Variants in TUSC3 observed in about 807,000 individuals in gnomAD.
The protein encoded by TUSC3 is tumor suppressor candidate 3, also known as dolichyl-diphosphooligosaccharide--protein glycosyltransferase subunit TUSC3.
A neutral mutation model predicts 44.8 loss-of-function variants in TUSC3; 45 were observed. The observed-to-expected ratio is 1.00, with a 90% CI of 0.79 to 1.29. TUSC3 has a LOEUF of 1.29. TUSC3 is among the 50% of genes most tolerant of loss of function. The pLI is 0.00. For missense variants in TUSC3, 519 were observed against 437.9 expected (o/e 1.19, Z -1.65); for synonymous variants, 212 against 152.9 (o/e 1.39, Z -2.85).
At chr8:15,725,020 C>T (rs1025739438) in intron 6 of TUSC3, among the ~76,000 whole-genome samples, 1 of 152,148 alleles carries the variant, frequency 6.6e-6, no homozygotes, top group Non-Finnish European at 1.5e-5. Flanking sequence ...TATCATCCAA[C>T]ACTGTCAAAT....
the TUSC3 span, among the ~76,000 whole-genome samples, chr8:15,796,214 TG>T: frequency 6.6e-6 from 1 of 152,174 alleles, no homozygotes; most frequent in Non-Finnish European, 1.5e-5. Context: ...GGTAACAATC[TG>T]GGTGGTGCAA....
Position 15,664,492 on chromosome 8 carries a change from A to G in TUSC3, c.708+2196A>G, listed in dbSNP as rs1807570185. Among the ~76,000 whole-genome samples the G allele has an allele frequency of 6.8e-5, 10 of 146,842 alleles. 1 individual carries two copies. The Admixed American group carries it at 6.8e-4, about 10-fold the overall frequency. ...ATTATTATTATTATTTTGCTCTTTT[A>G]CTGTGAATCTTGGAAAGCGAATTAA... On this transcript the variant is annotated intron_variant, in intron 5 of 10. Transcript: ENST00000503731.
At chr8:15,436,250 G>A (rs1301796294) in intron 1 of TUSC3, among the ~76,000 whole-genome samples, 2 of 152,186 alleles carry the variant, frequency 1.3e-5, no homozygotes, top group African/African-American at 2.4e-5. Context: ...CACATCTGCT[G>A]CCTGGTATTG....
chr8:15,693,906 C>T (rs4831346), intron 6 of TUSC3, among the ~76,000 whole-genome samples: 31,787 of 151,738 alleles, frequency 0.21, 4,247 homozygotes, highest in Non-Finnish European at 0.3. Context: ...TCTGAGATTC[C>T]GTCCTCAGCT....
At position 15,423,977 on chromosome 8, in the gene TUSC3, T is replaced by TTTG. The variant is rs1563247182; in HGVS notation, n.91+6674_91+6675insGTT. ...TCATACTGTTTTGCTTTGTTTTTTT[T>TTTG]TTTTTTTTTTTTTTTTTTTTTTTTT... On this transcript the variant is annotated intron_variant and non_coding_transcript_variant, in intron 1 of 5. Coordinates refer to the TUSC3 transcript ENST00000503191. 1.4e-4 allele frequency among the ~76,000 whole-genome samples: 11 copies of TTTG among 80,202 alleles called. 2 individuals are homozygous for TTTG. Among genetic ancestry groups the TTTG allele is most frequent in the Non-Finnish European group, 1.7e-4 (7 of 41,770 alleles). The allele number at this position is 80,202 out of a possible 152,430, so 52.6% of individuals were successfully genotyped here.
At chr8:15,734,047 AAAG>A (rs1328839326) in intron 7 of TUSC3, among the ~76,000 whole-genome samples, 3 of 152,220 alleles carry the variant, frequency 2.0e-5, no homozygotes, top group Non-Finnish European at 2.9e-5. Context: ...CGTCTCCAAA[AAAG>A]AAGTTATTTT....
intron 1 of TUSC3, among the ~76,000 whole-genome samples, chr8:15,620,230 A>G (rs902608769): frequency 1.3e-5 from 2 of 152,212 alleles, no homozygotes; most frequent in South Asian, 2.1e-4. Flanking sequence ...TACATTGCAG[A>G]TAGCGTTAGA....
chr8:15,673,645 T>C (rs1808055441), intron 5 of TUSC3, 102 bp from the exon 6 acceptor site: 3 of 1,019,988 alleles, frequency 2.9e-6, no homozygotes, highest in East Asian at 2.5e-5. Context: ...AGCTGATACA[T>C]GATTTTTAAA....
intron 7 of TUSC3, among the ~76,000 whole-genome samples, chr8:15,732,682 T>C (rs1480338363): frequency 6.6e-6 from 1 of 152,208 alleles, no homozygotes; most frequent in Non-Finnish European, 1.5e-5. Context: ...TTGTATAACT[T>C]ATAAGGTAAT....
intron 2 of TUSC3, among the ~76,000 whole-genome samples, chr8:15,483,885 C>T (rs1290967230): frequency 6.9e-6 from 1 of 145,122 alleles, no homozygotes; most frequent in African/African-American, 2.6e-5. Context: ...TCTCGATCTC[C>T]TGACCTCGTG....
chr8:15,433,863 A>G (rs566144014), intron 1 of TUSC3, among the ~76,000 whole-genome samples: 1 of 152,192 alleles, frequency 6.6e-6, no homozygotes, highest in African/African-American at 2.4e-5. Context: ...GGGGGTCATT[A>G]TTACAGAAAT....
At chr8:15,625,240 T>G (rs1716840011) in intron 2 of TUSC3, among the ~76,000 whole-genome samples, 1 of 149,738 alleles carries the variant, frequency 6.7e-6, no homozygotes, top group South Asian at 2.1e-4. Context: ...TGGATTCAGT[T>G]TGCTAATTTT....
intron 1 of TUSC3, among the ~76,000 whole-genome samples, chr8:15,609,241 ATG>A (rs1455741477): frequency 6.6e-6 from 1 of 152,180 alleles, no homozygotes; most frequent in African/African-American, 2.4e-5. Flanking sequence ...GACACATAAT[ATG>A]TGGCCATTAA....
Position 15,442,756 on chromosome 8 carries a change from T to C in TUSC3, n.91+25451T>C, listed in dbSNP as rs114119348. ...ATATAGGAGGAATGAATGTCATTGA[T>C]AACAAAGACTTCCTCCTTGACCAAA... is the stretch of plus-strand genomic sequence containing the variant. On this transcript the variant is annotated intron_variant and non_coding_transcript_variant, in intron 1 of 5. Coordinates refer to the TUSC3 transcript ENST00000503191. Among the ~76,000 whole-genome samples, 1,099 of 152,264 alleles carry C rather than the reference T, an allele frequency of 7.2e-3. 13 individuals carry two copies. Among genetic ancestry groups the C allele is most frequent in the African/African-American group, 0.025 (1,030 of 41,560 alleles).
Position 15,596,428 on chromosome 8 carries a change from C to G in TUSC3, c.139-26652C>G, listed in dbSNP as rs941422212. 7.2e-5 allele frequency among the ~76,000 whole-genome samples: 11 copies of G among 152,192 alleles called. 1 individual carries two copies. In the Middle Eastern group the frequency reaches 0.014, roughly 188 times the overall value. On this transcript the variant is annotated intron_variant, in intron 1 of 10. Coordinates refer to ENST00000503731, the MANE Select transcript of TUSC3 (RefSeq NM_006765.4). ...GCTAAAGACCCTGTGTTCCTGGATGCAAAACCTTTGCATACAGAGTGCCAA... is the reference window on the plus strand; with the variant it reads ...GCTAAAGACCCTGTGTTCCTGGATGGAAAACCTTTGCATACAGAGTGCCAA...
intron 7 of TUSC3, among the ~76,000 whole-genome samples, chr8:15,731,785 A>T (rs765953579): frequency 1.7e-4 from 26 of 152,116 alleles, no homozygotes; most frequent in Non-Finnish European, 2.4e-4. Context: ...TTTGGATTTT[A>T]TTACTTTGTT....
intron 6 of TUSC3, among the ~76,000 whole-genome samples, chr8:15,727,972 T>C (rs570969406): frequency 2.8e-4 from 43 of 152,208 alleles, no homozygotes; most frequent in Non-Finnish European, 4.8e-4. Context: ...CTCTAAAGCC[T>C]TTCCTCTCTC....
the TUSC3 span, among the ~76,000 whole-genome samples, chr8:15,797,914 T>C: frequency 9.1e-3 from 1,387 of 152,322 alleles, 13 homozygotes; most frequent in African/African-American, 0.024. Context: ...TAGGTTTTTT[T>C]TTCCACCGAC....
chr8:15,673,636 G>C, intron 5 of TUSC3, 111 bp from the exon 6 acceptor site: 1 of 910,864 alleles, frequency 1.1e-6, no homozygotes, highest in Non-Finnish European at 1.8e-6. Flanking sequence ...AAATGTGTGA[G>C]CTGATACATG....
Sources: allele counts gnomAD v4.1 joint callset (sites outside exome capture counted in the v4.1 genomes callset), GRCh38; gene constraint gnomAD v4.1.1; transcripts MANE v1.5; gene names NCBI Gene and HGNC (gene_info 2026-07-23, HGNC 2026-07-21).